The following ABCA10 variants were observed in gnomAD, a reference collection of about 807,000 sequenced individuals.
The protein encoded by ABCA10 is ATP-binding cassette sub-family A member 10.
A neutral mutation model predicts 187.5 loss-of-function variants in ABCA10; 169 were observed. The observed-to-expected ratio is 0.90, with a 90% confidence interval of 0.80 to 1.02. The LOEUF (loss-of-function observed/expected upper bound fraction) is 1.02, where lower values mean the gene tolerates loss of function less well. Ranked by LOEUF, ABCA10 falls within the 50% of genes least tolerant of loss-of-function variation. The pLI is 0.00. For synonymous variants in ABCA10, 574 were observed against 601.8 expected, an observed-to-expected ratio of 0.95 and a Z score of 0.68; for missense variants, 1,727 against 1,812.4, an observed-to-expected ratio of 0.95 and a Z score of 0.86.
At position 69,187,991 on chromosome 17, in the gene ABCA10, TAC is replaced by T. The variant is rs2074434927; in HGVS notation, c.2132-114_2132-113del. On this transcript the variant is annotated intron_variant, in intron 18 of 38. Transcript: ENST00000690296. Reference sequence around the variant, plus strand: ...AAACAGCACTTCCAACAAGTTAAGCTACTGATATCCATAATCAAAATTTACGT... The same window carrying T: ...AAACAGCACTTCCAACAAGTTAAGCTTGATATCCATAATCAAAATTTACGT... 56 of 916,812 alleles carry T rather than the reference TAC, an allele frequency of 6.1e-5. No individual in the cohort carries two copies. The South Asian group carries it at 9.5e-4, about 16-fold the overall frequency. The allele number at this position is 916,812 out of a possible 1,614,324, so 56.8% of individuals were successfully genotyped here.
At position 69,222,618 on chromosome 17, in the gene ABCA10, A is replaced by G. The variant is rs753998875; in HGVS notation, c.114T>C (p.Val38=). 2 of 1,602,582 alleles carry G rather than the reference A, an allele frequency of 1.2e-6. No homozygotes were observed. Among genetic ancestry groups the G allele is most frequent in the Non-Finnish European group, 1.7e-6 (2 of 1,177,464 alleles). ...LPKKYHEMVG[V]IFSDTFSYRL... is the part of the protein sequence containing the mutation. Reference sequence around the variant, plus strand: ...GATATGAGAAAGTATCACTAAATATAACTCCCACCATTTCATGGTATTTTT... The same window carrying G: ...GATATGAGAAAGTATCACTAAATATGACTCCCACCATTTCATGGTATTTTT... Residue 38 remains valine (V), a synonymous_variant, in exon 4 of 39, where the codon GTT becomes GTC. Coordinates refer to ENST00000690296, the MANE Select transcript of ABCA10 (RefSeq NM_001377321.1).
chr17:69,216,152 C>T, intron 7 of ABCA10, 65 bp downstream of exon 7: 5 of 1,552,356 alleles, frequency 3.2e-6, no homozygotes, highest in Non-Finnish European at 8.7e-7. Flanking sequence ...CCCAAAGAAA[C>T]ATTATTTGCT....
chr17:69,163,626 G>A (rs2074234749), intron 27 of ABCA10, among the ~76,000 whole-genome samples: 1 of 152,202 alleles, frequency 6.6e-6, no homozygotes, highest in Non-Finnish European at 1.5e-5. Flanking sequence ...ACAAGAGTAT[G>A]TTTCCTCCTT....
intron 9 of ABCA10, among the ~76,000 whole-genome samples, chr17:69,202,639 A>G (rs576597499): frequency 5.4e-4 from 82 of 152,324 alleles, no homozygotes; most frequent in African/African-American, 1.9e-3. Context: ...ATTTTTTTCA[A>G]CCAAATACAT....
In ABCA10 at chr17:69,164,097, T is replaced by C; in HGVS notation, c.3340A>G (p.Thr1114Ala). Residue 1114 changes from threonine to alanine, a missense_variant, in exon 27 of 39, where the codon ACC becomes GCC. Thr to Ala is a moderately conservative substitution (Grantham distance 58). Transcript: ENST00000690296. ...ACTATTAAGGTTGTTAAAAGAATGG[T>C]TTTATTGACTTCATTTATTCTATTG... ...LDNRINEVNKTILLTTLIPYL... is the reference protein window; with the variant it reads ...LDNRINEVNKAILLTTLIPYL... 6.3e-7 allele frequency: 1 copy of C among 1,585,678 alleles called. No individual in the cohort carries two copies. The highest frequency in any genetic ancestry group is 8.5e-7 in the Non-Finnish European group (1 of 1,170,152).
intron 22 of ABCA10, 51 bp downstream of exon 22, chr17:69,182,102 C>T (rs1200511106): frequency 1.4e-6 from 2 of 1,443,100 alleles, no homozygotes; most frequent in East Asian, 2.6e-5. Flanking sequence ...AGCCCTCATC[C>T]TTTATCCCTC....
chr17:69,229,173 T>G (rs1023875597), upstream of ABCA10, among the ~76,000 whole-genome samples: 3 of 151,944 alleles, frequency 2.0e-5, no homozygotes, highest in Non-Finnish European at 4.4e-5. Flanking sequence ...TTAAATGAAT[T>G]CTCCCATTTG....
rs2144779375 is a variant in ABCA10 at position 69,174,406 on chromosome 17, G to A, written c.3049-12C>T. The A allele has an allele frequency of 1.9e-6, 3 of 1,562,332 alleles. No individual in the cohort carries two copies. Among genetic ancestry groups the A allele is most frequent in the East Asian group, 2.2e-5 (1 of 44,574 alleles). ...ATTATGCATACCACCTGCAAATAAT[G>A]AGGATCAATGGCAAGATTAGAAATG... On this transcript the variant is annotated splice_polypyrimidine_tract_variant and intron_variant, in intron 24 of 38. Coordinates refer to ENST00000690296, the MANE Select transcript of ABCA10 (RefSeq NM_001377321.1).
Position 69,150,033 on chromosome 17 carries a change from A to T in ABCA10, c.4428T>A (p.Pro1476=), listed in dbSNP as rs748055449. 1 of 1,613,240 alleles carries T rather than the reference A, an allele frequency of 6.2e-7. No individual in the cohort carries two copies. The change falls in exon 37 of 39, where the codon CCT becomes CCA. Residue 1476 remains proline (P), a synonymous_variant. Transcript: ENST00000690296. ...RYSSLMAYKL[P]VEDVHPLSRA... Reference sequence around the variant, plus strand: ...GAGATAGAGGGTGGACATCCTCCACAGGTAACTTATACGCCATTAAAGAGG... The same window carrying T: ...GAGATAGAGGGTGGACATCCTCCACTGGTAACTTATACGCCATTAAAGAGG...
rs372103775 is a variant in ABCA10 at position 69,225,365 on chromosome 17, T to C, written c.-7A>G. On this transcript the variant is annotated 5_prime_UTR_variant, in exon 3 of 39. Coordinates refer to ENST00000690296, the MANE Select transcript of ABCA10 (RefSeq NM_001377321.1). The stretch of plus-strand genomic sequence containing the variant: ...CCAAGGCCATCTTATTCATTATCCT[T>C]TGTGTTATGTTACTGACTGGTGTAT... The C allele has an allele frequency of 6.2e-7, 1 of 1,613,040 alleles. No homozygotes were observed. Among genetic ancestry groups the C allele is most frequent in the African/African-American group, 1.3e-5 (1 of 74,844 alleles).
intron 4 of ABCA10, among the ~76,000 whole-genome samples, chr17:69,222,096 TG>T (rs1332540105): frequency 6.6e-6 from 1 of 152,200 alleles, no homozygotes; most frequent in Non-Finnish European, 1.5e-5. Flanking sequence ...GGCTCATGCC[TG>T]TAATCCCACC....
At chr17:69,238,610 G>A (rs182658758) in intron 1 of ABCA10, among the ~76,000 whole-genome samples, 1 of 152,294 alleles carries the variant, frequency 6.6e-6, no homozygotes, top group Non-Finnish European at 1.5e-5. Flanking sequence ...TTGGACTTGT[G>A]TCAACTTTGA....
intron 22 of ABCA10, among the ~76,000 whole-genome samples, chr17:69,178,727 T>G (rs1261569161): frequency 6.6e-6 from 1 of 152,242 alleles, no homozygotes; most frequent in East Asian, 1.9e-4. Context: ...ATTCTTACTA[T>G]AATTGATCAT....
rs146584632 is a variant in ABCA10, at chr17:69,150,032, C to G, written c.4429G>C (p.Val1477Leu). The G allele has an allele frequency of 8.7e-6, 14 of 1,613,120 alleles. No homozygotes were observed. In the South Asian group the frequency reaches 1.3e-4, roughly 15 times the overall value. ...CGAGATAGAGGGTGGACATCCTCCA[C>G]AGGTAACTTATACGCCATTAAAGAG... is the stretch of plus-strand genomic sequence containing the variant. ...YSSLMAYKLP[V>L]EDVHPLSRAF... is the part of the protein sequence containing the mutation. Residue 1477 changes from valine (V) to leucine (L), a missense_variant, in exon 37 of 39, where the codon GTG becomes CTG. Val to Leu is a conservative substitution (Grantham distance 32). Transcript: ENST00000690296.
In ABCA10 at chr17:69,225,466, T is replaced by A; in HGVS notation, c.-108A>T. 1 of 1,157,586 alleles carries A rather than the reference T, an allele frequency of 8.6e-7. No individual in the cohort carries two copies. The highest frequency in any genetic ancestry group is 1.3e-6 in the Non-Finnish European group (1 of 784,842). 71.7% of individuals were successfully genotyped at this position (1,157,586 alleles called of 1,614,324 possible). A position where few individuals can be genotyped will look rare whatever the true frequency, so the allele number is the denominator to read the frequency against. On this transcript the variant is annotated 5_prime_UTR_variant, in exon 3 of 39. Transcript: ENST00000690296. ...TTAGGAGGTTGTTCAGGAAAACGGG[T>A]AGCTCTGAAGTGTTCCGAAAAGATG...
chr17:69,194,586 T>C, intron 11 of ABCA10, 91 bp from the exon 12 acceptor site: 4 of 744,954 alleles, frequency 5.4e-6, no homozygotes, highest in Non-Finnish European at 8.6e-6. Flanking sequence ...TATCTCAGCA[T>C]TTCATTTCAT....
At chr17:69,170,218 G>A (rs909429583) in intron 25 of ABCA10, among the ~76,000 whole-genome samples, 3 of 151,286 alleles carry the variant, frequency 2.0e-5, no homozygotes, top group Admixed American at 2.0e-4. Context: ...AACCCGCGAG[G>A]TGAAGGTTGC....
At position 69,182,727 on chromosome 17, in the gene ABCA10, C is replaced by A. The variant is rs929996015; in HGVS notation, c.2579G>T (p.Gly860Val). The A allele has an allele frequency of 6.2e-7, 1 of 1,612,334 alleles. No individual in the cohort carries two copies. The highest frequency in any genetic ancestry group is 1.3e-5 in the African/African-American group (1 of 74,730). ...TCCATTGTAGGAGGGATCATCTGAG[C>A]CATTTCTGTTTCTAAAGTCATCTAT... ...LEIDDFRNRNGSDDPSYNGAI... is the reference protein window; with the variant it reads ...LEIDDFRNRNVSDDPSYNGAI... The change falls in exon 21 of 39, where the codon GGC becomes GTC. Residue 860 changes from glycine to valine, a missense_variant. By Grantham distance (109) the Gly-to-Val change is moderately radical. Transcript: ENST00000690296.
chr17:69,170,818 TAAGTA>T (rs2074292991), intron 25 of ABCA10, among the ~76,000 whole-genome samples: 1 of 152,074 alleles, frequency 6.6e-6, no homozygotes, highest in Non-Finnish European at 1.5e-5. Context: ...CTTGGACCAT[TAAGTA>T]AACACAAAAT....
Sources: gnomAD v4.1 joint callset for allele counts (sites outside exome capture counted in the v4.1 genomes callset) on GRCh38, gnomAD v4.1.1 for gene constraint, MANE v1.5 for transcripts, NCBI Gene and HGNC (gene_info 2026-07-23, HGNC 2026-07-21) for gene names.